Variants in ADARB2 observed in about 807,000 individuals in gnomAD.
ADARB2 encodes the protein adenosine deaminase RNA specific B2 (inactive).
In ADARB2, 25 loss-of-function variants were observed where a neutral mutation model predicts 62.2. The observed-to-expected ratio is 0.40, with a 90% CI of 0.29 to 0.56. ADARB2 has a LOEUF of 0.56. ADARB2 is among the 20% of genes least tolerant of loss of function. The pLI is 0.43. For missense variants in ADARB2, 1,071 were observed against 1,077.4 expected, an observed-to-expected ratio of 0.99 and a Z score of 0.08; for synonymous variants, 572 against 500.8, an observed-to-expected ratio of 1.14 and a Z score of -1.90.
At chr10:1,304,088 TAAAG>T (rs1176312377) in intron 3 of ADARB2, among the ~76,000 whole-genome samples, 2 of 150,712 alleles carry the variant, frequency 1.3e-5, no homozygotes, top group African/African-American at 4.8e-5. Context: ...GCAAATTGGA[TAAAG>T]AGTCAAGACC....
chr10:1,440,130 G>A (rs1377411782), intron 1 of ADARB2, among the ~76,000 whole-genome samples: 1 of 147,854 alleles, frequency 6.8e-6, no homozygotes, highest in Non-Finnish European at 1.5e-5. Flanking sequence ...TGGGGCTCCT[G>A]AGTCTCCCCC....
At chr10:1,420,109 C>G (rs1832839624) in intron 1 of ADARB2, among the ~76,000 whole-genome samples, 1 of 152,188 alleles carries the variant, frequency 6.6e-6, no homozygotes, top group Non-Finnish European at 1.5e-5. Context: ...TAAGCAGGAA[C>G]ATTCGGTGCA....
intron 1 of ADARB2, among the ~76,000 whole-genome samples, chr10:1,630,583 C>T (rs1833830008): frequency 6.6e-6 from 1 of 152,130 alleles, no homozygotes; most frequent in Non-Finnish European, 1.5e-5. Context: ...TGTGCTGGAT[C>T]CAGAGGCTGA....
At chr10:1,435,470 G>A (rs1304622290) in intron 1 of ADARB2, among the ~76,000 whole-genome samples, 1 of 152,316 alleles carries the variant, frequency 6.6e-6, no homozygotes, top group Admixed American at 6.5e-5. Context: ...CCCGGGCTGA[G>A]CCTCCTTCTG....
At chr10:1,475,168 G>A (rs907940595) in intron 1 of ADARB2, among the ~76,000 whole-genome samples, 9 of 151,964 alleles carry the variant, frequency 5.9e-5, no homozygotes, top group African/African-American at 2.2e-4. Context: ...GCACTCAGGA[G>A]CCCCCCCGGG....
chr10:1,357,620 C>T (rs1564267437), intron 3 of ADARB2, among the ~76,000 whole-genome samples: 1 of 152,204 alleles, frequency 6.6e-6, no homozygotes, highest in Non-Finnish European at 1.5e-5. Context: ...AAGCAAATGT[C>T]TTCCCTTAAT....
At chr10:1,262,831 C>A (rs933224691) in intron 4 of ADARB2, among the ~76,000 whole-genome samples, 1 of 152,118 alleles carries the variant, frequency 6.6e-6, no homozygotes, top group South Asian at 2.1e-4. Flanking sequence ...CATATGCACA[C>A]ATATGTTTAT....
intron 4 of ADARB2, among the ~76,000 whole-genome samples, chr10:1,249,868 T>C (rs1177156512): frequency 1.3e-5 from 2 of 151,874 alleles, no homozygotes; most frequent in African/African-American, 4.8e-5. Context: ...GAGAGCTTAA[T>C]ATGGTGAAAG....
At chr10:1,256,929 G>C (rs1370672187) in intron 4 of ADARB2, among the ~76,000 whole-genome samples, 2 of 152,170 alleles carry the variant, frequency 1.3e-5, no homozygotes, top group African/African-American at 4.8e-5. Flanking sequence ...GGCTGACAAG[G>C]TCTCCTCACT....
intron 3 of ADARB2, among the ~76,000 whole-genome samples, chr10:1,284,036 A>T (rs966868773): frequency 6.6e-6 from 1 of 152,220 alleles, no homozygotes; most frequent in Non-Finnish European, 1.5e-5. Context: ...TTAAACTGAA[A>T]GGGCCACTCA....
chr10:1,348,233 A>G (rs139075214), intron 3 of ADARB2, among the ~76,000 whole-genome samples: 2 of 152,228 alleles, frequency 1.3e-5, no homozygotes, highest in Non-Finnish European at 2.9e-5. Context: ...TTGTTTCTAA[A>G]CTCTCAGGAA....
chr10:1,350,634 TTTTCA>T (rs1832127249), intron 3 of ADARB2, among the ~76,000 whole-genome samples: 1 of 152,172 alleles, frequency 6.6e-6, no homozygotes, highest in Non-Finnish European at 1.5e-5. Context: ...TTTAGGCTCT[TTTTCA>T]TCAAATATAA....
chr10:1,626,741 T>A (rs939201263), intron 1 of ADARB2, among the ~76,000 whole-genome samples: 1 of 152,190 alleles, frequency 6.6e-6, no homozygotes, highest in Non-Finnish European at 1.5e-5. Flanking sequence ...GCTCACCACC[T>A]GTTAACAGCC....
chr10:1,705,281 C>G (rs919836629), intron 1 of ADARB2, among the ~76,000 whole-genome samples: 1 of 152,168 alleles, frequency 6.6e-6, no homozygotes, highest in Non-Finnish European at 1.5e-5. Flanking sequence ...CTACATGGTG[C>G]CTCTGCCCAC....
At position 1,217,102 on chromosome 10, in the gene ADARB2, G is replaced by C; in HGVS notation, c.1531C>G (p.Leu511Val). 1 of 1,600,880 alleles carries C rather than the reference G, an allele frequency of 6.2e-7. No individual in the cohort carries two copies. The highest frequency in any genetic ancestry group is 8.5e-7 in the Non-Finnish European group (1 of 1,174,146). The change falls in exon 7 of 10, where the codon CTC becomes GTC. Residue 511 changes from leucine (L) to valine (V), a missense_variant. Transcript: ENST00000381312. ...AGGTGCCCGCGGAACTTCCTGACGA[G>C]GTGTTTGCTGCTGTGCACTAGGAGA... ...ITTDLHSSKH[L>V]VRKFRGHLRT...
chr10:1,547,444 A>G (rs1452584204), intron 1 of ADARB2, among the ~76,000 whole-genome samples: 1 of 44,062 alleles, frequency 2.3e-5, no homozygotes, highest in Non-Finnish European at 4.4e-5. Context: ...AGGCTGTGCA[A>G]GTCTATGCAC....
chr10:1,389,076 A>G (rs1048046787), intron 1 of ADARB2, among the ~76,000 whole-genome samples: 1 of 152,214 alleles, frequency 6.6e-6, no homozygotes, highest in Admixed American at 6.5e-5. Context: ...GTTCTAAGAA[A>G]CTAGACAACA....
chr10:1,571,631 C>G (rs2131992812), intron 1 of ADARB2, among the ~76,000 whole-genome samples: 1 of 151,780 alleles, frequency 6.6e-6, no homozygotes, highest in African/African-American at 2.4e-5. Flanking sequence ...TGCAGGCGAG[C>G]AGGCAGGTGA....
chr10:1,481,706 A>C (rs921933529), intron 1 of ADARB2, among the ~76,000 whole-genome samples: 15 of 152,008 alleles, frequency 9.9e-5, no homozygotes, highest in Non-Finnish European at 2.1e-4. Context: ...AAAATACAAA[A>C]ATTAGCTGGG....
Sources: allele counts gnomAD v4.1 joint callset (sites outside exome capture counted in the v4.1 genomes callset), GRCh38; gene constraint gnomAD v4.1.1; transcripts MANE v1.5; gene names NCBI Gene and HGNC (gene_info 2026-07-23, HGNC 2026-07-21).